FRMPD2: variants seen among roughly 807,000 people sequenced by gnomAD.
FRMPD2 encodes the protein FERM and PDZ domain-containing protein 2.
A neutral mutation model predicts 140.1 loss-of-function variants in FRMPD2; 96 were observed. That is an observed-to-expected ratio of 0.69 (90% CI 0.58 to 0.81). The LOEUF (loss-of-function observed/expected upper bound fraction) is 0.81. Ranked by LOEUF, FRMPD2 falls within the 40% of genes least tolerant of loss-of-function variation. FRMPD2 has a pLI of 0.00. For synonymous variants in FRMPD2, 449 were observed against 547.6 expected, an observed-to-expected ratio of 0.82 and a Z score of 2.52; for missense variants, 1,240 against 1,447.4, an observed-to-expected ratio of 0.86 and a Z score of 2.32.
intron 3 of FRMPD2, among the ~76,000 whole-genome samples, chr10:48,247,094 T>C (rs1052562191): frequency 6.6e-6 from 1 of 152,204 alleles, no homozygotes; most frequent in Non-Finnish European, 1.5e-5. Flanking sequence ...GCAATACATT[T>C]AGCCAGTTCT....
At chr10:48,258,495 C>A (rs1023697481) in intron 1 of FRMPD2, among the ~76,000 whole-genome samples, 7 of 152,158 alleles carry the variant, frequency 4.6e-5, no homozygotes, top group African/African-American at 1.7e-4. Flanking sequence ...TCTCATTTAC[C>A]CATCTACAAA....
intron 16 of FRMPD2, among the ~76,000 whole-genome samples, chr10:48,188,502 A>G (rs1262297740): frequency 1.3e-5 from 2 of 152,322 alleles, no homozygotes; most frequent in East Asian, 3.9e-4. Context: ...GTCAGGCCTG[A>G]GCTCCAAGGC....
At chr10:48,256,394 T>C (rs777474799) in intron 1 of FRMPD2, among the ~76,000 whole-genome samples, 6 of 152,234 alleles carry the variant, frequency 3.9e-5, no homozygotes, top group Non-Finnish European at 7.3e-5. Flanking sequence ...AGGATCTCTG[T>C]TATCCCTAAT....
intron 5 of FRMPD2, among the ~76,000 whole-genome samples, chr10:48,241,416 A>G (rs1840101773): frequency 6.6e-6 from 1 of 152,106 alleles, no homozygotes; most frequent in Non-Finnish European, 1.5e-5. Context: ...ATCCTATCCC[A>G]GCTCCACTCA....
chr10:48,251,776 G>A (rs1458124122), intron 1 of FRMPD2, 85 bp from the exon 2 acceptor site: 15 of 1,530,640 alleles, frequency 9.8e-6, no homozygotes, highest in African/African-American at 2.7e-5. Flanking sequence ...GGTGCAGCCA[G>A]GCATGGTCTG....
chr10:48,178,451 G>T (rs1487440385), intron 21 of FRMPD2, among the ~76,000 whole-genome samples: 1 of 152,166 alleles, frequency 6.6e-6, no homozygotes, highest in Non-Finnish European at 1.5e-5. Context: ...TGTCCTGTCT[G>T]CCCCCTTTAC....
chr10:48,245,539 A>T (rs1840227045), intron 3 of FRMPD2, among the ~76,000 whole-genome samples: 1 of 152,222 alleles, frequency 6.6e-6, no homozygotes, highest in Non-Finnish European at 1.5e-5. Flanking sequence ...TCTAATAAAG[A>T]TCAAGTCAAA....
chr10:48,247,214 A>G (rs1172270447), intron 3 of FRMPD2, among the ~76,000 whole-genome samples: 1 of 152,270 alleles, frequency 6.6e-6, no homozygotes, highest in African/African-American at 2.4e-5. Context: ...CGCTCTGGGC[A>G]GAGAAGTGAC....
chr10:48,269,759 T>A (rs1840736105), intron 1 of FRMPD2, among the ~76,000 whole-genome samples: 1 of 152,130 alleles, frequency 6.6e-6, no homozygotes, highest in East Asian at 1.9e-4. Flanking sequence ...AAATACTGGT[T>A]AGTGAAGAGG....
intron 10 of FRMPD2, among the ~76,000 whole-genome samples, chr10:48,223,654 C>A (rs1191394009): frequency 6.6e-6 from 1 of 152,144 alleles, no homozygotes; most frequent in Non-Finnish European, 1.5e-5. Flanking sequence ...CTGTACCAAC[C>A]CCCTCCTCCC....
chr10:48,171,382 T>C (rs1838250893), intron 25 of FRMPD2, among the ~76,000 whole-genome samples, 174 bp from the exon 26 acceptor site: 1 of 151,790 alleles, frequency 6.6e-6, no homozygotes, highest in African/African-American at 2.4e-5. Flanking sequence ...TGCTGTCCAA[T>C]AAAATATAAT....
At chr10:48,184,727 A>G (rs1169991036) in intron 19 of FRMPD2, 45 bp from the exon 20 acceptor site, 1 of 1,596,416 alleles carries the variant, frequency 6.3e-7, no homozygotes, top group Non-Finnish European at 8.6e-7. Flanking sequence ...GAAATAAAAA[A>G]GAGTGGTTTC....
chr10:48,192,976 A>T (rs1838870346), intron 15 of FRMPD2, 82 bp from the exon 16 acceptor site: 2 of 1,032,276 alleles, frequency 1.9e-6, no homozygotes, highest in Admixed American at 3.4e-5. Context: ...GTAACATATC[A>T]CTGGGCCCCC....
chr10:48,256,589 C>G (rs1350916455), intron 1 of FRMPD2, among the ~76,000 whole-genome samples: 1 of 152,164 alleles, frequency 6.6e-6, no homozygotes, highest in Non-Finnish European at 1.5e-5. Context: ...GGAGACACTC[C>G]TGCATTGGGA....
At chr10:48,210,760 G>T (rs938867549) in intron 13 of FRMPD2, among the ~76,000 whole-genome samples, 3 of 152,240 alleles carry the variant, frequency 2.0e-5, no homozygotes, top group African/African-American at 4.8e-5. Context: ...GGATAGTTCT[G>T]CAAAATGACC....
intron 15 of FRMPD2, among the ~76,000 whole-genome samples, chr10:48,194,862 G>C (rs1181368159): frequency 1.3e-5 from 2 of 152,110 alleles, no homozygotes; most frequent in Non-Finnish European, 2.9e-5. Flanking sequence ...AGTGGAGGGG[G>C]GATTTGTTGG....
In FRMPD2 at chr10:48,209,466, G is replaced by A. The variant is rs570733910; in HGVS notation, c.1611+2488C>T. On this transcript the variant is annotated intron_variant, in intron 13 of 28. Coordinates refer to ENST00000374201, the MANE Select transcript of FRMPD2 (RefSeq NM_001018071.4). Reference sequence around the variant, plus strand: ...TAGTACAAGGTGCTGAACTTTCAGAGTTAGTCATCAGTGAACTGGGGACCA... The same window carrying A: ...TAGTACAAGGTGCTGAACTTTCAGAATTAGTCATCAGTGAACTGGGGACCA... Among the ~76,000 whole-genome samples the A allele has an allele frequency of 1.1e-4, 16 of 152,306 alleles. No homozygotes were observed. The East Asian group carries it at 2.9e-3, about 28-fold the overall frequency.
chr10:48,170,920 C>T lies in FRMPD2; in HGVS notation c.3438+74G>A, dbSNP rs541320789. The T allele has an allele frequency of 7.4e-3, 6,596 of 893,836 alleles. 269 individuals carry two copies. The African/African-American group carries it at 0.093, about 13-fold the overall frequency. The allele number at this position is 893,836 out of a possible 1,614,324, so 55.4% of individuals were successfully genotyped here. On this transcript the variant is annotated intron_variant, in intron 26 of 28. Coordinates refer to ENST00000374201, the MANE Select transcript of FRMPD2 (RefSeq NM_001018071.4). ...TTTTGAGAGCCCAGAGTTTTCCCCA[C>T]GGCAGCAGGCTAGTAAGAGGCAAAG...
chr10:48,181,571 CCT>C (rs1459531239), intron 20 of FRMPD2, among the ~76,000 whole-genome samples: 1 of 151,912 alleles, frequency 6.6e-6, no homozygotes, highest in East Asian at 1.9e-4. Context: ...ACTGCAGGCC[CCT>C]GTGAGTGAAA....
Sources: gnomAD v4.1 joint callset for allele counts (sites outside exome capture counted in the v4.1 genomes callset) on GRCh38, gnomAD v4.1.1 for gene constraint, MANE v1.5 for transcripts, NCBI Gene and HGNC (gene_info 2026-07-23, HGNC 2026-07-21) for gene names.